DST: variants seen among roughly 807,000 people sequenced by gnomAD.
DST encodes dystonin.
A neutral mutation model predicts 875.2 loss-of-function variants in DST; 253 were observed. That is an observed-to-expected ratio of 0.29 (90% CI 0.26 to 0.32). The LOEUF (loss-of-function observed/expected upper bound fraction) is 0.32. Among genes scored for constraint, DST ranks in the 10% least tolerant of loss-of-function variants. The pLI is 1.00. For missense variants in DST, 8,287 were observed against 9,111.6 expected, an observed-to-expected ratio of 0.91 and a Z score of 3.68; for synonymous variants, 3,124 against 3,197.1, an observed-to-expected ratio of 0.98 and a Z score of 0.77.
chr6:56,648,172 G>A (rs2152793613), intron 13 of DST, among the ~76,000 whole-genome samples: 1 of 152,158 alleles, frequency 6.6e-6, no homozygotes, highest in South Asian at 2.1e-4. Context: ...AAAAGAAGCA[G>A]TTTTTAACAG....
At chr6:56,871,268 T>C in intron 3 of DST, 1 of 779,470 alleles carries the variant, frequency 1.3e-6, no homozygotes, top group Admixed American at 1.7e-5. Context: ...GTGTTCACTT[T>C]AAGAACACTC....
chr6:56,852,963 C>CT (rs1765990419), intron 3 of DST, among the ~76,000 whole-genome samples: 1 of 152,220 alleles, frequency 6.6e-6, no homozygotes, highest in African/African-American at 2.4e-5. Flanking sequence ...TGCATCAGGA[C>CT]TACCAACCTT....
At chr6:56,840,541 T>G (rs1031037077) in intron 4 of DST, among the ~76,000 whole-genome samples, 4 of 152,324 alleles carry the variant, frequency 2.6e-5, no homozygotes, top group Non-Finnish European at 5.9e-5. Flanking sequence ...GACTCGAATA[T>G]GAATCAGAAC....
At chr6:56,634,729 A>G in intron 25 of DST, 72 bp downstream of exon 25, 1 of 1,598,790 alleles carries the variant, frequency 6.3e-7, no homozygotes, top group Non-Finnish European at 8.6e-7. Flanking sequence ...ATCACTAGTT[A>G]GCAATATGAT....
At chr6:56,860,456 G>A (rs949099654) in intron 3 of DST, among the ~76,000 whole-genome samples, 4 of 152,158 alleles carry the variant, frequency 2.6e-5, no homozygotes, top group Non-Finnish European at 4.4e-5. Flanking sequence ...ACATCCAAGT[G>A]TTCACTTCAT....
chr6:56,747,741 T>C (rs148554807), intron 4 of DST, among the ~76,000 whole-genome samples: 37 of 152,258 alleles, frequency 2.4e-4, no homozygotes, highest in African/African-American at 8.4e-4. Flanking sequence ...CACAGAGATA[T>C]GTAACTCGAT....
chr6:56,945,340 A>G (rs1007074822), intron 2 of DST, among the ~76,000 whole-genome samples: 1 of 152,222 alleles, frequency 6.6e-6, no homozygotes, highest in African/African-American at 2.4e-5. Flanking sequence ...GAGTCCAGAG[A>G]TATTTAAAAG....
chr6:56,619,991 G>A (rs1479506135), intron 36 of DST: 1 of 1,613,940 alleles, frequency 6.2e-7, no homozygotes, highest in South Asian at 1.1e-5. Context: ...ACCCGTTACT[G>A]CCCTGCATGA....
intron 71 of DST, among the ~76,000 whole-genome samples, chr6:56,516,618 G>C (rs963255036): frequency 1.3e-5 from 2 of 152,088 alleles, no homozygotes; most frequent in South Asian, 4.1e-4. Context: ...GCATGAATAT[G>C]CATCAATTTC....
At chr6:56,570,344 C>T (rs1330414134) in intron 53 of DST, among the ~76,000 whole-genome samples, 2 of 152,036 alleles carry the variant, frequency 1.3e-5, no homozygotes, top group South Asian at 2.1e-4. Flanking sequence ...TGCAACTCGC[C>T]ATAATGTAGA....
At chr6:56,704,458 T>C in intron 5 of DST, 89 bp from the exon 6 acceptor site, 1 of 632,476 alleles carries the variant, frequency 1.6e-6, no homozygotes, top group Non-Finnish European at 2.7e-6. Flanking sequence ...GTAGAAAACA[T>C]TCCTCACATG....
At chr6:56,713,550 G>A (rs969086391) in intron 5 of DST, among the ~76,000 whole-genome samples, 1 of 152,148 alleles carries the variant, frequency 6.6e-6, no homozygotes, top group African/African-American at 2.4e-5. Context: ...CTGCAGACTC[G>A]AGAGGAAGCA....
intron 3 of DST, chr6:56,871,355 A>G (rs1776997880): frequency 1.9e-6 from 2 of 1,072,068 alleles, no homozygotes; most frequent in African/African-American, 3.1e-5. Context: ...CTTTACAGAA[A>G]CAGTGTGTAC....
At chr6:56,478,096 A>G (rs2095272167) in intron 90 of DST, among the ~76,000 whole-genome samples, 1 of 152,216 alleles carries the variant, frequency 6.6e-6, no homozygotes, top group Admixed American at 6.5e-5. Flanking sequence ...TAATTATGTT[A>G]TTAATGGAGA....
chr6:56,575,522 G>A (rs1018418301), intron 50 of DST, among the ~76,000 whole-genome samples: 5 of 152,086 alleles, frequency 3.3e-5, no homozygotes, highest in African/African-American at 9.7e-5. Flanking sequence ...AGTGACTTTC[G>A]AAGGAAAGCC....
intron 61 of DST, among the ~76,000 whole-genome samples, chr6:56,547,716 T>C (rs1418716352): frequency 6.6e-6 from 1 of 152,204 alleles, no homozygotes; most frequent in African/African-American, 2.4e-5. Context: ...ATAAACACCA[T>C]AATAAGAATT....
At chr6:56,878,633 C>T (rs1032795042) in intron 3 of DST, among the ~76,000 whole-genome samples, 1 of 152,138 alleles carries the variant, frequency 6.6e-6, no homozygotes, top group African/African-American at 2.4e-5. Context: ...GGAAATACAA[C>T]ACATTCAGAG....
At chr6:56,943,171 A>C (rs778677303) in intron 2 of DST, among the ~76,000 whole-genome samples, 7 of 152,190 alleles carry the variant, frequency 4.6e-5, no homozygotes, top group Admixed American at 2.0e-4. Context: ...TTTCCTTTTA[A>C]GCTTATGACA....
intron 9 of DST, among the ~76,000 whole-genome samples, chr6:56,686,512 G>GT (rs1329072674): frequency 2.0e-5 from 3 of 152,024 alleles, no homozygotes; most frequent in African/African-American, 4.8e-5. Flanking sequence ...TTGTTGTTTT[G>GT]TTTTTTATTT....
Sources: gnomAD v4.1 joint callset for allele counts (sites outside exome capture counted in the v4.1 genomes callset) on GRCh38, gnomAD v4.1.1 for gene constraint, MANE v1.5 for transcripts, NCBI Gene and HGNC (gene_info 2026-07-23, HGNC 2026-07-21) for gene names.